SLC15A4: variants seen among roughly 807,000 people sequenced by gnomAD.
The protein encoded by SLC15A4 is hPHT1.
In SLC15A4, 26 loss-of-function variants were observed where a neutral mutation model predicts 46.1. That is an observed-to-expected ratio of 0.56 (90% confidence interval 0.41 to 0.78). SLC15A4 has a LOEUF of 0.78. Ranked by LOEUF, SLC15A4 falls within the 30% of genes least tolerant of loss-of-function variation. The probability of loss-of-function intolerance (pLI) is 0.00; values close to 1 mark genes in which losing one functional copy is unlikely to be tolerated. For missense variants in SLC15A4, 751 were observed against 755.7 expected (o/e 0.99, Z 0.07); for synonymous variants, 370 against 333.4 (o/e 1.11, Z -1.20).
Position 128,823,649 on chromosome 12 carries a change from G to A in SLC15A4, c.295C>T (p.Arg99Trp). The change falls in exon 1 of 8, where the codon CGG (arginine) becomes TGG (tryptophan). Residue 99 changes from arginine (R) to tryptophan (W), a missense_variant. Coordinates refer to ENST00000266771, the MANE Select transcript of SLC15A4 (RefSeq NM_145648.4). ...AGGATGGCGCGCGCCCGGCCCAGCC[G>A]CGCGTCGGCCAGCCAGCCTCCGAAC... ...SPFGGWLADA[R>W]LGRARAILLS... The A allele has an allele frequency of 6.7e-7, 1 of 1,489,352 alleles. No homozygotes were observed. Among genetic ancestry groups the A allele is most frequent in the Non-Finnish European group, 8.9e-7 (1 of 1,124,668 alleles). The allele number at this position is 1,489,352 out of a possible 1,614,324, so 92.3% of individuals were successfully genotyped here.
rs41536244 is a variant in SLC15A4, at chr12:128,799,142, G to T, written c.1573+117C>A. Reference sequence around the variant, plus strand: ...AGTGCTGTGGAAGGAGCGGTGGACAGGCAGCTCGGGACAGGCCATCCACGT... The same window carrying T: ...AGTGCTGTGGAAGGAGCGGTGGACATGCAGCTCGGGACAGGCCATCCACGT... On this transcript the variant is annotated intron_variant, in intron 7 of 7. Transcript: ENST00000266771. 6.6e-5 allele frequency: 72 copies of T among 1,090,476 alleles called. No homozygotes were observed. In the East Asian group the frequency reaches 1.7e-3, roughly 25 times the overall value. The allele number at this position is 1,090,476 out of a possible 1,614,324, so 67.6% of individuals were successfully genotyped here.
intron 1 of SLC15A4, among the ~76,000 whole-genome samples, chr12:128,822,751 G>A (rs1955864991): frequency 1.3e-5 from 2 of 152,118 alleles, no homozygotes; most frequent in Admixed American, 1.3e-4. Flanking sequence ...GGTCAGGCTG[G>A]TCTCGAACTC....
chr12:128,800,703 C>T (rs61946187), intron 6 of SLC15A4, 151 bp downstream of exon 6: 31,903 of 696,656 alleles, frequency 0.046, 930 homozygotes, highest in Non-Finnish European at 0.056. Flanking sequence ...GTGTGTTTAC[C>T]TAGCGATTCA....
chr12:128,821,259 C>G (rs1955832541), intron 1 of SLC15A4, among the ~76,000 whole-genome samples: 1 of 152,250 alleles, frequency 6.6e-6, no homozygotes, highest in South Asian at 2.1e-4. Flanking sequence ...CTCCATCCAT[C>G]CACTTCACCC....
chr12:128,801,094 C>T (rs915657035), intron 5 of SLC15A4, 85 bp from the exon 6 acceptor site: 16 of 1,268,756 alleles, frequency 1.3e-5, no homozygotes, highest in South Asian at 2.9e-5. Context: ...TACGAGACTT[C>T]GTAGCAAACG....
intron 7 of SLC15A4, among the ~76,000 whole-genome samples, chr12:128,798,900 G>C (rs1210032471): frequency 6.6e-6 from 1 of 151,726 alleles, no homozygotes; most frequent in Admixed American, 6.6e-5. Flanking sequence ...GGAAGCTTGG[G>C]GTACAGATTC....
In SLC15A4 at chr12:128,808,916, ATG is replaced by A; in HGVS notation, c.1128_1129del (p.Ile377ProfsTer48). 1 of 1,614,206 alleles carries A rather than the reference ATG, an allele frequency of 6.2e-7. No homozygotes were observed. Among genetic ancestry groups the A allele is most frequent in the South Asian group, 1.1e-5 (1 of 91,086 alleles). On this transcript the variant is annotated frameshift_variant, in exon 5 of 8. Transcript: ENST00000266771. LOFTEE classifies it high-confidence loss of function. ...GTCCTTCAGAGGGATGAGCAGGAGG[ATG>A]AGCACAGCATCAAACATGGTCAGCC...
At chr12:128,816,726 C>T (rs574281694) in intron 1 of SLC15A4, among the ~76,000 whole-genome samples, 73 of 152,042 alleles carry the variant, frequency 4.8e-4, no homozygotes, top group Middle Eastern at 3.4e-3. Flanking sequence ...CAGCTACCTG[C>T]GAGACTGAGG....
intron 1 of SLC15A4, among the ~76,000 whole-genome samples, chr12:128,820,131 T>G (rs2135724693): frequency 6.6e-6 from 1 of 152,304 alleles, no homozygotes; most frequent in Non-Finnish European, 1.5e-5. Flanking sequence ...AGAGGCTGAC[T>G]GTGCTACCAG....
intron 4 of SLC15A4, 24 bp from the exon 5 acceptor site, chr12:128,808,980 C>T (rs1032925365): frequency 5.6e-6 from 9 of 1,602,498 alleles, no homozygotes; most frequent in Admixed American, 3.4e-5. Flanking sequence ...CAGGAGGAGG[C>T]GTTTACTCCC....
intron 5 of SLC15A4, among the ~76,000 whole-genome samples, chr12:128,807,749 A>G (rs901999248): frequency 4.6e-5 from 7 of 152,266 alleles, no homozygotes; most frequent in African/African-American, 1.4e-4. Context: ...AATTATAAAG[A>G]AGGCACAGCA....
intron 1 of SLC15A4, among the ~76,000 whole-genome samples, chr12:128,823,046 C>T (rs1223146616): frequency 2.6e-5 from 4 of 151,926 alleles, no homozygotes; most frequent in African/African-American, 9.7e-5. Context: ...CTGTGTTGCC[C>T]AACCTGGTCT....
At chr12:128,811,230 A>C (rs982151244) in intron 2 of SLC15A4, among the ~76,000 whole-genome samples, 1 of 152,196 alleles carries the variant, frequency 6.6e-6, no homozygotes, top group Non-Finnish European at 1.5e-5. Context: ...GTTAATTCCC[A>C]ATAAGATTGT....
At chr12:128,798,857 GA>G (rs1367632089) in intron 7 of SLC15A4, among the ~76,000 whole-genome samples, 1 of 152,204 alleles carries the variant, frequency 6.6e-6, no homozygotes, top group Non-Finnish European at 1.5e-5. Flanking sequence ...GTTAGGAAAA[GA>G]AAACGAAAGT....
At chr12:128,795,342 C>G (rs755136450) in intron 7 of SLC15A4, among the ~76,000 whole-genome samples, 6 of 152,158 alleles carry the variant, frequency 3.9e-5, no homozygotes, top group Non-Finnish European at 8.8e-5. Flanking sequence ...TTAGCATACA[C>G]TGAATACCCA....
chr12:128,796,247 A>G (rs1372097994), intron 7 of SLC15A4, among the ~76,000 whole-genome samples: 2 of 152,060 alleles, frequency 1.3e-5, no homozygotes, highest in African/African-American at 2.4e-5. Flanking sequence ...AACACGATGA[A>G]ACCCCGTCTC....
chr12:128,796,153 A>G (rs1027088556), intron 7 of SLC15A4, among the ~76,000 whole-genome samples: 1 of 152,176 alleles, frequency 6.6e-6, no homozygotes, highest in Non-Finnish European at 1.5e-5. Flanking sequence ...GGCCAGGCGC[A>G]GTGGCTTATG....
At chr12:128,812,555 A>G (rs1380955059) in intron 2 of SLC15A4, among the ~76,000 whole-genome samples, 2 of 152,098 alleles carry the variant, frequency 1.3e-5, no homozygotes, top group African/African-American at 4.8e-5. Context: ...TGACCTCGTG[A>G]TCCGCCCGCC....
Position 128,799,419 on chromosome 12 carries a change from T to C in SLC15A4, c.1415-2A>G, listed in dbSNP as rs145807416. 1 of 1,613,702 alleles carries C rather than the reference T, an allele frequency of 6.2e-7. No individual in the cohort carries two copies. Among genetic ancestry groups the C allele is most frequent in the Non-Finnish European group, 8.5e-7 (1 of 1,179,914 alleles). On this transcript the variant is annotated splice_acceptor_variant, in intron 6 of 7. Coordinates refer to ENST00000266771, the MANE Select transcript of SLC15A4 (RefSeq NM_145648.4). LOFTEE classifies it high-confidence loss of function. Reference sequence around the variant, plus strand: ...CAGCTGAGTATGCAAATTCCAGGCCTGAGGAAAGAAAAGGGAGGGTCGTTT... The same window carrying C: ...CAGCTGAGTATGCAAATTCCAGGCCCGAGGAAAGAAAAGGGAGGGTCGTTT...
Sources: allele counts gnomAD v4.1 joint callset (sites outside exome capture counted in the v4.1 genomes callset), GRCh38; gene constraint gnomAD v4.1.1; transcripts MANE v1.5; gene names NCBI Gene and HGNC (gene_info 2026-07-23, HGNC 2026-07-21).